GOLGB1: variants seen among roughly 807,000 people sequenced by gnomAD.
GOLGB1 encodes golgin subfamily B member 1.
Under a neutral mutation model 336.9 loss-of-function variants are expected in GOLGB1, and 174 were observed. The observed-to-expected ratio is 0.52, with a 90% CI of 0.46 to 0.59. The LOEUF (loss-of-function observed/expected upper bound fraction) is 0.59, where lower values mean the gene tolerates loss of function less well. Ranked by LOEUF, GOLGB1 falls within the 20% of genes least tolerant of loss-of-function variation. GOLGB1 has a pLI of 0.00. For synonymous variants in GOLGB1, 1,208 were observed against 1,289.2 expected, an observed-to-expected ratio of 0.94 and a Z score of 1.35; for missense variants, 3,331 against 3,645.3, an observed-to-expected ratio of 0.91 and a Z score of 2.22.
rs138148387 is a variant in GOLGB1 at position 121,702,509 on chromosome 3, T to C, written c.1491A>G (p.Ile497Met). The C allele has an allele frequency of 1.3e-6, 2 of 1,525,606 alleles. No individual in the cohort carries two copies. Among genetic ancestry groups the C allele is most frequent in the African/African-American group, 2.8e-5 (2 of 70,450 alleles). 94.5% of individuals were successfully genotyped at this position (1,525,606 alleles called of 1,614,324 possible). A position where few individuals can be genotyped will look rare whatever the true frequency, so the allele number is the denominator to read the frequency against. ...TCTCAGCTTTCAGCTCCTCCAGCTC[T>C]ATAGAACTAAGGAGCAAGGCTCCCT... ...NEKGALLLSS[I>M]ELEELKAENE... The change falls in exon 11 of 22, where the codon ATA (isoleucine) becomes ATG (methionine). Residue 497 changes from isoleucine (I) to methionine (M), a missense_variant. Transcript: ENST00000614479.
intron 17 of GOLGB1, among the ~76,000 whole-genome samples, chr3:121,675,408 A>C (rs1940230782): frequency 6.6e-6 from 1 of 152,238 alleles, no homozygotes; most frequent in African/African-American, 2.4e-5. Context: ...CACTATTTGT[A>C]ATAGCCCCAA....
chr3:121,702,654 G>C, intron 10 of GOLGB1, 59 bp from the exon 11 acceptor site: 1 of 683,980 alleles, frequency 1.5e-6, no homozygotes, highest in Non-Finnish European at 2.3e-6. Context: ...TCACACTAAC[G>C]CCCAGATAGC....
chr3:121,664,748 C>G, intron 21 of GOLGB1, 134 bp from the exon 22 acceptor site: 1 of 915,440 alleles, frequency 1.1e-6, no homozygotes, highest in Non-Finnish European at 1.7e-6. Context: ...AAAGTTGCCT[C>G]AGAGTCAACA....
At chr3:121,673,713 A>G (rs1939911947) in intron 17 of GOLGB1, among the ~76,000 whole-genome samples, 1 of 151,670 alleles carries the variant, frequency 6.6e-6, no homozygotes, top group Non-Finnish European at 1.5e-5. Context: ...CTATCTATCT[A>G]TCTATCTATC....
chr3:121,704,950 G>C (rs1352071528), intron 10 of GOLGB1, among the ~76,000 whole-genome samples: 1 of 152,078 alleles, frequency 6.6e-6, no homozygotes, highest in Non-Finnish European at 1.5e-5. Context: ...GGTTGTTGTA[G>C]AGGCTGAAGA....
Position 121,702,586 on chromosome 3 carries a change from C to A in GOLGB1, c.1414G>T (p.Glu472Ter). The A allele has an allele frequency of 6.9e-7, 1 of 1,455,442 alleles. No individual in the cohort carries two copies. Among genetic ancestry groups the A allele is most frequent in the South Asian group, 1.4e-5 (1 of 72,532 alleles). The allele number at this position is 1,455,442 out of a possible 1,614,324, so 90.2% of individuals were successfully genotyped here. The change falls in exon 11 of 22, where the codon GAG becomes TAG. Residue 472 changes from glutamate (E) to a stop codon, truncating the protein, a stop_gained. Transcript: ENST00000614479. LOFTEE classifies it high-confidence loss of function. The stretch of plus-strand genomic sequence containing the variant: ...TTCTGCAAAGAAGCAATATTCTCCT[C>A]AGTGACTGCCTAAATTGTAGAAAGA... ...VYNEGTQAVT[E>*]ENIASLQKRV...
Position 121,698,315 on chromosome 3 carries a change from A to AT in GOLGB1, c.2207dup (p.Asn736LysfsTer3). The stretch of plus-strand genomic sequence containing the variant: ...TGAATGCACTGCTGTTGTTGTCAGC[A>AT]TTTTTCTTAAACTCCTCAATCAACT... On this transcript the variant is annotated frameshift_variant, in exon 13 of 22. Transcript: ENST00000614479. LOFTEE classifies it high-confidence loss of function. 6.2e-7 allele frequency: 1 copy of AT among 1,613,858 alleles called. No individual in the cohort carries two copies. Among genetic ancestry groups the AT allele is most frequent in the Non-Finnish European group, 8.5e-7 (1 of 1,179,898 alleles).
intron 14 of GOLGB1, among the ~76,000 whole-genome samples, chr3:121,685,660 GT>G (rs1330754254): frequency 6.6e-6 from 1 of 152,066 alleles, no homozygotes; most frequent in Non-Finnish European, 1.5e-5. Context: ...AAAATCAATA[GT>G]TGATGCAACA....
At position 121,697,620 on chromosome 3, in the gene GOLGB1, T is replaced by C; in HGVS notation, c.2903A>G (p.Tyr968Cys). The change falls in exon 13 of 22, where the codon TAT (tyrosine) becomes TGT (cysteine). Residue 968 changes from tyrosine to cysteine, a missense_variant. Tyr to Cys is a radical substitution (Grantham distance 194). Coordinates refer to ENST00000614479, the MANE Select transcript of GOLGB1 (RefSeq NM_001366282.2). ...NEVSSGLKQN[Y>C]DEMSPAGQIS... Reference sequence around the variant, plus strand: ...TTGTCCTGCTGGGCTCATCTCATCATAATTTTGTTTAAGGCCAGAAGAAAC... The same window carrying C: ...TTGTCCTGCTGGGCTCATCTCATCACAATTTTGTTTAAGGCCAGAAGAAAC... 6.2e-7 allele frequency: 1 copy of C among 1,612,918 alleles called. No homozygotes were observed. Among genetic ancestry groups the C allele is most frequent in the Non-Finnish European group, 8.5e-7 (1 of 1,179,848 alleles).
At chr3:121,667,329 G>T in intron 20 of GOLGB1, 147 bp downstream of exon 20, 2 of 748,052 alleles carry the variant, frequency 2.7e-6, no homozygotes, top group African/African-American at 1.7e-5. Flanking sequence ...TGTTCTCTTG[G>T]GTGACCACAA....
rs186004105 is a variant in GOLGB1, at chr3:121,693,835, C to G, written c.6688G>C (p.Glu2230Gln). 2.3e-4 allele frequency: 369 copies of G among 1,612,658 alleles called. 1 individual carries two copies. The highest frequency in any genetic ancestry group is 4.2e-4 in the Admixed American group (25 of 60,026). Residue 2230 changes from glutamate to glutamine, a missense_variant, in exon 13 of 22, where the codon GAA becomes CAA. By Grantham distance (29) the Glu-to-Gln change is conservative. Transcript: ENST00000614479. ...CAATTATCTTCTTTGAGTCTAATTT[C>G]TTCTTCTTTGCTTTGAATCGCATCA... ...FSDAIQSKEEEIRLKEDNCSV... is the reference protein window; with the variant it reads ...FSDAIQSKEEQIRLKEDNCSV...
intron 10 of GOLGB1, among the ~76,000 whole-genome samples, chr3:121,710,155 A>G (rs1944227799): frequency 6.6e-6 from 1 of 151,966 alleles, no homozygotes; most frequent in African/African-American, 2.4e-5. Context: ...AGGAAATTCA[A>G]TTCATTATCA....
chr3:121,719,794 T>G (rs754538763), intron 6 of GOLGB1, 26 bp from the exon 7 acceptor site: 1 of 1,575,122 alleles, frequency 6.3e-7, no homozygotes, highest in Non-Finnish European at 8.6e-7. Context: ...AGAGAAACTA[T>G]GCAAGTTACA....
intron 14 of GOLGB1, among the ~76,000 whole-genome samples, chr3:121,685,567 AAATAAAT>A (rs1941634265): frequency 1.3e-5 from 2 of 151,684 alleles, no homozygotes; most frequent in Non-Finnish European, 2.9e-5. Flanking sequence ...ATAAATAAAT[AAATAAAT>A]AAAAAGTGCA....
At position 121,681,693 on chromosome 3, in the gene GOLGB1, T is replaced by C; in HGVS notation, c.8867A>G (p.Gln2956Arg). Residue 2956 changes from glutamine (Q) to arginine (R), a missense_variant, in exon 15 of 22, where the codon CAG (glutamine) becomes CGG (arginine). Physicochemically the swap from Gln to Arg is conservative, Grantham distance 43. Transcript: ENST00000614479. ...GAGGGATTATATATAGTACCTGAGC[T>C]GATGCAGCTCATGCTGCCAGGAGAG... is the stretch of plus-strand genomic sequence containing the variant. ...ENLSWQHELH[Q>R]LRMEKSSWEI... 6.3e-7 allele frequency: 1 copy of C among 1,592,098 alleles called. No individual in the cohort carries two copies. Among genetic ancestry groups the C allele is most frequent in the Non-Finnish European group, 8.6e-7 (1 of 1,164,974 alleles).
intron 17 of GOLGB1, among the ~76,000 whole-genome samples, chr3:121,670,280 A>G (rs186147596): frequency 9.5e-4 from 145 of 152,290 alleles, no homozygotes; most frequent in African/African-American, 3.2e-3. Context: ...CATGTACATT[A>G]TATGAGAGGA....
In GOLGB1 at chr3:121,698,060, C is replaced by G; in HGVS notation, c.2463G>C (p.Gln821His). 6.2e-7 allele frequency: 1 copy of G among 1,614,096 alleles called. No homozygotes were observed. The highest frequency in any genetic ancestry group is 8.5e-7 in the Non-Finnish European group (1 of 1,179,966). Residue 821 changes from glutamine (Q) to histidine (H), a missense_variant, in exon 13 of 22, where the codon CAG becomes CAC. By Grantham distance (24) the Gln-to-His change is conservative. Transcript: ENST00000614479. ...KSKDVKIEVLQNELDDVQLQF... is the reference protein window; with the variant it reads ...KSKDVKIEVLHNELDDVQLQF... ...GAAGCTGCACATCATCCAGTTCATT[C>G]TGTAAAACTTCAATTTTCACATCTT...
rs145970407 is a variant in GOLGB1, at chr3:121,683,848, G to A, written c.8695-1983C>T. ...CCTTAGAAAGAGAAGAAAATCTACCGGCCGGGGACGGTGGCTCATGCCTGT... is the reference window on the plus strand; with the variant it reads ...CCTTAGAAAGAGAAGAAAATCTACCAGCCGGGGACGGTGGCTCATGCCTGT... On this transcript the variant is annotated intron_variant, in intron 14 of 21. Coordinates refer to ENST00000614479, the MANE Select transcript of GOLGB1 (RefSeq NM_001366282.2). Among the ~76,000 whole-genome samples, 1,502 of 152,110 alleles carry A rather than the reference G, an allele frequency of 9.9e-3. 32 individuals carry two copies. Among genetic ancestry groups the A allele is most frequent in the African/African-American group, 0.034 (1,412 of 41,500 alleles).
rs1053092631 is a variant in GOLGB1, at chr3:121,731,055, C to T, written c.-2-82G>A. On this transcript the variant is annotated intron_variant, in intron 1 of 21. Coordinates refer to ENST00000614479, the MANE Select transcript of GOLGB1 (RefSeq NM_001366282.2). ...CTCCTATATTGATAACCATATCATC[C>T]GTGAATGAAAAAAGAATACTGTACA... 9.5e-6 allele frequency: 13 copies of T among 1,363,826 alleles called. No homozygotes were observed. The African/African-American group carries it at 1.2e-4, about 12-fold the overall frequency. The allele number at this position is 1,363,826 out of a possible 1,614,324, so 84.5% of individuals were successfully genotyped here.
Sources: gnomAD v4.1 joint callset for allele counts (sites outside exome capture counted in the v4.1 genomes callset) on GRCh38, gnomAD v4.1.1 for gene constraint, MANE v1.5 for transcripts, NCBI Gene and HGNC (gene_info 2026-07-23, HGNC 2026-07-21) for gene names.